ITGA9: variants seen among roughly 807,000 people sequenced by gnomAD.
The protein encoded by ITGA9 is integrin subunit alpha 9, also known as integrin alpha-9.
ITGA9 carries 56 observed loss-of-function variants against 127.8 expected under a neutral mutation model. The ratio of observed to expected loss-of-function variants is 0.44; its 90% CI spans 0.35 to 0.55. The LOEUF is 0.55. Ranked by LOEUF, ITGA9 falls within the 20% of genes least tolerant of loss-of-function variation. ITGA9 has a pLI of 0.00. For missense variants in ITGA9, 1,196 were observed against 1,347.1 expected, an observed-to-expected ratio of 0.89 and a Z score of 1.76; for synonymous variants, 508 against 514.5, an observed-to-expected ratio of 0.99 and a Z score of 0.17.
intron 5 of ITGA9, among the ~76,000 whole-genome samples, chr3:37,498,964 T>C (rs1355666418): frequency 1.3e-5 from 2 of 152,220 alleles, no homozygotes; most frequent in African/African-American, 4.8e-5. Flanking sequence ...CTGTGAGCTG[T>C]TGTCCCCTCC....
intron 26 of ITGA9, among the ~76,000 whole-genome samples, chr3:37,798,205 A>ATCT (rs1211900531): frequency 6.6e-6 from 1 of 152,110 alleles, no homozygotes; most frequent in African/African-American, 2.4e-5. Flanking sequence ...ACCCAGGCTC[A>ATCT]TCTTGAACTC....
At chr3:37,525,520 A>G (rs968673913) in intron 12 of ITGA9, among the ~76,000 whole-genome samples, 9 of 152,208 alleles carry the variant, frequency 5.9e-5, no homozygotes, top group South Asian at 2.1e-4. Flanking sequence ...CAGAACCTAG[A>G]GCATTTTCCA....
In ITGA9 at chr3:37,547,320, G is replaced by T. The variant is rs371168049; in HGVS notation, c.1689+4735G>T. Among the ~76,000 whole-genome samples, 6 of 152,206 alleles carry T rather than the reference G, an allele frequency of 3.9e-5. No homozygotes were observed. The East Asian group carries it at 1.2e-3, about 29-fold the overall frequency. On this transcript the variant is annotated intron_variant, in intron 15 of 27. Transcript: ENST00000264741. ...AAGGAACTTTGAAACCTAAGTGGCT[G>T]CAGCTCCTTCCTTGCTTTTGTGGGC...
At chr3:37,555,953 G>A (rs187268699) in intron 15 of ITGA9, among the ~76,000 whole-genome samples, 2 of 152,312 alleles carry the variant, frequency 1.3e-5, no homozygotes, top group East Asian at 1.9e-4. Context: ...GGATGGAAGT[G>A]GTATTGCTCA....
At chr3:37,684,874 A>G (rs1700767230) in intron 18 of ITGA9, among the ~76,000 whole-genome samples, 1 of 152,094 alleles carries the variant, frequency 6.6e-6, no homozygotes. Flanking sequence ...ATATAGCATG[A>G]CTCAAAGGTA....
At chr3:37,761,551 T>G (rs753994723) in intron 23 of ITGA9, among the ~76,000 whole-genome samples, 3 of 152,218 alleles carry the variant, frequency 2.0e-5, no homozygotes, top group Non-Finnish European at 4.4e-5. Flanking sequence ...CAGATAGGTA[T>G]AGTGCAGAGA....
At chr3:37,790,129 A>G in intron 26 of ITGA9, 2 of 559,604 alleles carry the variant, frequency 3.6e-6, no homozygotes, top group Non-Finnish European at 7.0e-6. Flanking sequence ...AATGCTCTTA[A>G]TATTTATCAT....
intron 13 of ITGA9, 77 bp from the exon 14 acceptor site, chr3:37,533,237 C>A: frequency 7.7e-7 from 1 of 1,298,376 alleles, no homozygotes; most frequent in Non-Finnish European, 1.1e-6. Flanking sequence ...AGGATTTATC[C>A]TGTTGGTCTA....
chr3:37,770,627 G>A (rs1309064400), intron 23 of ITGA9, among the ~76,000 whole-genome samples: 1 of 152,168 alleles, frequency 6.6e-6, no homozygotes, highest in Admixed American at 6.5e-5. Context: ...TTGAAACAAA[G>A]GGTCTGCTCT....
At chr3:37,641,073 C>T (rs1235377868) in intron 16 of ITGA9, among the ~76,000 whole-genome samples, 1 of 152,152 alleles carries the variant, frequency 6.6e-6, no homozygotes, top group African/African-American at 2.4e-5. Flanking sequence ...TCTCTGCAGG[C>T]CCGTGGGTGG....
chr3:37,599,729 A>G (rs1326757661), intron 15 of ITGA9, among the ~76,000 whole-genome samples: 1 of 152,210 alleles, frequency 6.6e-6, no homozygotes, highest in Non-Finnish European at 1.5e-5. Context: ...GAAAACACTG[A>G]TAGAATCTAT....
intron 26 of ITGA9, among the ~76,000 whole-genome samples, chr3:37,796,557 T>C (rs1023510292): frequency 2.0e-5 from 3 of 151,866 alleles, no homozygotes; most frequent in African/African-American, 7.3e-5. Context: ...GACAGGTTGA[T>C]TGACAGATGG....
chr3:37,760,923 C>T (rs1272815611), intron 23 of ITGA9, among the ~76,000 whole-genome samples: 1 of 152,100 alleles, frequency 6.6e-6, no homozygotes, highest in Admixed American at 6.5e-5. Flanking sequence ...ATATAAATTA[C>T]TTCTACAAAA....
chr3:37,701,048 G>GTC (rs1700940923), intron 18 of ITGA9, among the ~76,000 whole-genome samples: 1 of 152,180 alleles, frequency 6.6e-6, no homozygotes, highest in African/African-American at 2.4e-5. Flanking sequence ...AACAGCCTAT[G>GTC]TCTGTGCCTT....
chr3:37,546,144 T>C (rs1699324215), intron 15 of ITGA9, among the ~76,000 whole-genome samples: 1 of 152,162 alleles, frequency 6.6e-6, no homozygotes, highest in Non-Finnish European at 1.5e-5. Flanking sequence ...CCATCTAACA[T>C]GTCCCCAAAA....
intron 18 of ITGA9, among the ~76,000 whole-genome samples, chr3:37,703,884 G>T (rs1053412184): frequency 2.6e-5 from 4 of 152,166 alleles, no homozygotes; most frequent in Non-Finnish European, 4.4e-5. Context: ...AGCTTAAGGA[G>T]GTGACTCAAC....
chr3:37,773,145 C>T (rs1046975105), intron 23 of ITGA9, among the ~76,000 whole-genome samples: 2 of 152,240 alleles, frequency 1.3e-5, no homozygotes, highest in African/African-American at 2.4e-5. Flanking sequence ...GCTCTGCTCC[C>T]AAGCTTCCTC....
chr3:37,794,331 C>T lies in ITGA9; in HGVS notation c.2889+9253C>T, dbSNP rs770765360. ...CTCCCTTGACCCCTTACCCCTCTGG[C>T]CTGTGCTGTCCTGTAGCCCAGAGCC... On this transcript the variant is annotated intron_variant, in intron 26 of 27. Transcript: ENST00000264741. Among the ~76,000 whole-genome samples, 44 of 152,206 alleles carry T rather than the reference C, an allele frequency of 2.9e-4. 1 individual carries two copies. The highest frequency in any genetic ancestry group is 5.4e-4 in the Non-Finnish European group (37 of 68,036).
intron 18 of ITGA9, among the ~76,000 whole-genome samples, chr3:37,701,775 C>T (rs1700948922): frequency 6.6e-6 from 1 of 152,202 alleles, no homozygotes; most frequent in Admixed American, 6.5e-5. Context: ...TCTGGCTTCT[C>T]AGTGACTCAG....
Sources: allele counts gnomAD v4.1 joint callset (sites outside exome capture counted in the v4.1 genomes callset), GRCh38; gene constraint gnomAD v4.1.1; transcripts MANE v1.5; gene names NCBI Gene and HGNC (gene_info 2026-07-23, HGNC 2026-07-21).